The following IL16 variants were observed in gnomAD, a reference collection of about 807,000 sequenced individuals.
IL16 encodes pro-interleukin-16.
In IL16, 67 loss-of-function variants were observed where a neutral mutation model predicts 110.1. The ratio of observed to expected loss-of-function variants is 0.61; its 90% CI spans 0.50 to 0.75. The LOEUF is 0.75. IL16 is among the 30% of genes least tolerant of loss of function. The pLI is 0.00. For missense variants in IL16, 1,545 were observed against 1,655.0 expected, an observed-to-expected ratio of 0.93 and a Z score of 1.15; for synonymous variants, 689 against 662.9, an observed-to-expected ratio of 1.04 and a Z score of -0.61.
intron 2 of IL16, among the ~76,000 whole-genome samples, chr15:81,250,313 G>A (rs568759853): frequency 9.9e-5 from 15 of 152,100 alleles, no homozygotes; most frequent in Non-Finnish European, 1.9e-4. Context: ...GGGATTACAG[G>A]CATGAGCCAC....
Position 81,306,524 on chromosome 15 carries a change from A to T in IL16, c.3784A>T (p.Thr1262Ser), listed in dbSNP as rs753209599. 1.9e-6 allele frequency: 3 copies of T among 1,613,576 alleles called. No homozygotes were observed. In the African/African-American group the frequency reaches 4.0e-5, roughly 22 times the overall value. ...KGSLHGDKPL[T>S]INRIFKGAAS... is the part of the protein sequence containing the mutation. The stretch of plus-strand genomic sequence containing the variant: ...CTCCCTACACGGAGACAAGCCTCTC[A>T]CCATTAACAGGATTTTCAAAGGTGT... Residue 1262 changes from threonine (T) to serine (S), a missense_variant, in exon 18 of 19, where the codon ACC becomes TCC. Physicochemically the swap from Thr to Ser is moderately conservative, Grantham distance 58. Coordinates refer to ENST00000683961, the MANE Select transcript of IL16 (RefSeq NM_172217.5).
chr15:81,188,711 A>G (rs1017709132), intron 1 of IL16, among the ~76,000 whole-genome samples: 2 of 151,696 alleles, frequency 1.3e-5, no homozygotes, highest in African/African-American at 4.8e-5. Context: ...ATCACAAAGA[A>G]TCCCTCTTTC....
In IL16 at chr15:81,310,550, G is replaced by A. The variant is rs1900796043; in HGVS notation, c.*1752G>A. 6.6e-6 allele frequency: 1 copy of A among 152,164 alleles called. No homozygotes were observed. Among genetic ancestry groups the A allele is most frequent in the African/African-American group, 2.4e-5 (1 of 41,434 alleles). The allele number at this position is 152,164 out of a possible 1,614,324, so 9.4% of individuals were successfully genotyped here. Reference sequence around the variant, plus strand: ...ACTTTTTAGACTTAATAGAAACATTGAAGATGAACATAATCTACCAACGAA... The same window carrying A: ...ACTTTTTAGACTTAATAGAAACATTAAAGATGAACATAATCTACCAACGAA... On this transcript the variant is annotated 3_prime_UTR_variant, in exon 19 of 19. Transcript: ENST00000683961.
chr15:81,284,826 G>A (rs1028905116), intron 9 of IL16, among the ~76,000 whole-genome samples: 13 of 152,200 alleles, frequency 8.5e-5, no homozygotes, highest in African/African-American at 2.2e-4. Context: ...TTTATGCCTC[G>A]TCTATGGCCA....
At chr15:81,245,136 T>C (rs1432667729) in intron 2 of IL16, among the ~76,000 whole-genome samples, 4 of 152,244 alleles carry the variant, frequency 2.6e-5, no homozygotes, top group Non-Finnish European at 5.9e-5. Flanking sequence ...ATATTTTCTA[T>C]CATCTCAGTG....
At chr15:81,293,591 C>A (rs1025794559) in intron 12 of IL16, among the ~76,000 whole-genome samples, 13 of 152,114 alleles carry the variant, frequency 8.5e-5, no homozygotes, top group African/African-American at 2.9e-4. Context: ...ATCCCAGCTA[C>A]GCAGGAGGCT....
chr15:81,185,508 A>G (rs747653681), intron 1 of IL16, among the ~76,000 whole-genome samples: 6 of 151,800 alleles, frequency 4.0e-5, no homozygotes, highest in Non-Finnish European at 7.4e-5. Flanking sequence ...GGAGCGTGCC[A>G]CCATGCCTGG....
chr15:81,280,322 G>A (rs1259812916), intron 8 of IL16, among the ~76,000 whole-genome samples: 2 of 152,238 alleles, frequency 1.3e-5, no homozygotes, highest in East Asian at 3.9e-4. Context: ...ACAGGGGCCA[G>A]CATGTGTTCT....
intron 1 of IL16, among the ~76,000 whole-genome samples, chr15:81,221,743 A>T (rs1272709996): frequency 6.6e-6 from 1 of 152,032 alleles, no homozygotes; most frequent in East Asian, 1.9e-4. Context: ...TCTTAACCAA[A>T]GTGTTAATGC....
chr15:81,258,280 A>G (rs1898020618), intron 2 of IL16, among the ~76,000 whole-genome samples: 1 of 151,930 alleles, frequency 6.6e-6, no homozygotes, highest in Non-Finnish European at 1.5e-5. Flanking sequence ...GATGAGGGAG[A>G]GTCATGTTTT....
intron 2 of IL16, among the ~76,000 whole-genome samples, chr15:81,257,343 G>A (rs1055152845): frequency 6.6e-6 from 1 of 152,204 alleles, no homozygotes; most frequent in African/African-American, 2.4e-5. Context: ...GTTGGCGACA[G>A]AGTACACTTG....
chr15:81,247,317 T>A (rs1291429287), intron 2 of IL16, among the ~76,000 whole-genome samples: 1 of 152,166 alleles, frequency 6.6e-6, no homozygotes, highest in Non-Finnish European at 1.5e-5. Context: ...CTGTAAGCAC[T>A]GTTTTATCTT....
At chr15:81,268,783 A>G (rs67396561) in intron 4 of IL16, among the ~76,000 whole-genome samples, 35,564 of 152,268 alleles carry the variant, frequency 0.23, 4,537 homozygotes, top group African/African-American at 0.33. Flanking sequence ...GTCGGGCACC[A>G]TTTTAAGCAC....
chr15:81,224,831 G>C (rs1294473408), intron 1 of IL16, among the ~76,000 whole-genome samples: 1 of 152,112 alleles, frequency 6.6e-6, no homozygotes, highest in Non-Finnish European at 1.5e-5. Context: ...GTTACCAAGG[G>C]GACCAGGAAA....
intron 1 of IL16, among the ~76,000 whole-genome samples, chr15:81,202,500 A>C (rs923942430): frequency 1.2e-4 from 14 of 117,650 alleles, no homozygotes; most frequent in African/African-American, 3.9e-4. Context: ...AACAGTCCCC[A>C]GTGTGTGATG....
In IL16 at chr15:81,282,689, T is replaced by C. The variant is rs759300764; in HGVS notation, c.1132T>C (p.Cys378Arg). The C allele has an allele frequency of 1.9e-6, 3 of 1,614,140 alleles. No individual in the cohort carries two copies. The highest frequency in any genetic ancestry group is 2.5e-6 in the Non-Finnish European group (3 of 1,180,034). ...IGLCSVPYFQ[C>R]ISGIFVHTLS... ...CCTGTGCAGCGTTCCCTACTTCCAA[T>C]GCATCTCTGGCATTTTCGTCCACAC... Residue 378 changes from cysteine (C) to arginine (R), a missense_variant, in exon 9 of 19, where the codon TGC (cysteine) becomes CGC (arginine). Physicochemically the swap from Cys to Arg is radical, Grantham distance 180. This residue lies in a region of IL16 where 1,185 missense variants were observed against 1,238.8 expected (regional missense o/e 0.96). Transcript: ENST00000683961.
chr15:81,196,667 T>G (rs545436106), upstream of IL16, among the ~76,000 whole-genome samples: 1 of 152,326 alleles, frequency 6.6e-6, no homozygotes, highest in African/African-American at 2.4e-5. Context: ...CAGGGGCAAC[T>G]GGGCTGGACC....
chr15:81,232,518 C>A (rs1387728737), intron 2 of IL16, among the ~76,000 whole-genome samples: 1 of 152,136 alleles, frequency 6.6e-6, no homozygotes, highest in Non-Finnish European at 1.5e-5. Context: ...TGCCTCTGTT[C>A]ACAATTGGCA....
chr15:81,313,207 A>C lies in IL16; in HGVS notation c.*4409A>C, dbSNP rs765552577. 3 of 1,472,060 alleles carry C rather than the reference A, an allele frequency of 2.0e-6. No individual in the cohort carries two copies. In the Admixed American group the frequency reaches 7.0e-5, roughly 34 times the overall value. 91.2% of individuals were successfully genotyped at this position (1,472,060 alleles called of 1,614,324 possible). A position where few individuals can be genotyped will look rare whatever the true frequency, so the allele number is the denominator to read the frequency against. On this transcript the variant is annotated 3_prime_UTR_variant, in exon 19 of 19. Coordinates refer to ENST00000683961, the MANE Select transcript of IL16 (RefSeq NM_172217.5). ...GGCTCCTTGGTGTCCCAACAGCTGG[A>C]GCTCCTCGATGAGTCACGGGAGTTC... is the stretch of plus-strand genomic sequence containing the variant.
Sources: gnomAD v4.1 joint callset for allele counts (sites outside exome capture counted in the v4.1 genomes callset) on GRCh38, gnomAD v4.1.1 for gene constraint, gnomAD v4.1.1 regional missense constraint, MANE v1.5 for transcripts, NCBI Gene and HGNC (gene_info 2026-07-23, HGNC 2026-07-21) for gene names.